TAFA1: variants seen among roughly 807,000 people sequenced by gnomAD.
The protein encoded by TAFA1 is chemokine-like protein TAFA-1.
TAFA1 carries 4 observed loss-of-function variants against 18.5 expected under a neutral mutation model. That is an observed-to-expected ratio of 0.22 (90% CI 0.11 to 0.49). The LOEUF (loss-of-function observed/expected upper bound fraction) is 0.49, where lower values mean the gene tolerates loss of function less well. Ranked by LOEUF, TAFA1 falls within the 20% of genes least tolerant of loss-of-function variation. The pLI, the probability that TAFA1 is intolerant of heterozygous loss-of-function variation, is 0.98. For synonymous variants in TAFA1, 56 were observed against 55.2 expected (o/e 1.01, Z -0.06); for missense variants, 147 against 169.0 (o/e 0.87, Z 0.72).
chr3:68,025,330 C>T (rs1704791741), intron 2 of TAFA1, among the ~76,000 whole-genome samples: 1 of 152,084 alleles, frequency 6.6e-6, no homozygotes, highest in Non-Finnish European at 1.5e-5. Context: ...TTGCTGTCAC[C>T]CTGGGCCGAG....
intron 3 of TAFA1, among the ~76,000 whole-genome samples, chr3:68,465,814 A>G (rs1326739729): frequency 1.3e-5 from 2 of 150,766 alleles, no homozygotes; most frequent in East Asian, 2.0e-4. Context: ...TAACTGAAAA[A>G]TGTTGTCTGT....
intron 2 of TAFA1, among the ~76,000 whole-genome samples, chr3:68,270,774 A>G (rs1044869658): frequency 5.3e-5 from 8 of 152,168 alleles, no homozygotes; most frequent in African/African-American, 1.9e-4. Flanking sequence ...ACTGGCAGCT[A>G]TGAGATGTAT....
intron 2 of TAFA1, among the ~76,000 whole-genome samples, chr3:68,294,491 A>C (rs1559603749): frequency 6.6e-6 from 1 of 152,226 alleles, no homozygotes; most frequent in Non-Finnish European, 1.5e-5. Flanking sequence ...TCAACAGTAA[A>C]AGTAAAATGC....
At chr3:68,219,897 T>C (rs113906338) in intron 2 of TAFA1, among the ~76,000 whole-genome samples, 5 of 152,290 alleles carry the variant, frequency 3.3e-5, no homozygotes, top group African/African-American at 1.2e-4. Context: ...GGTTATATGT[T>C]TGCAGATTAT....
intron 2 of TAFA1, among the ~76,000 whole-genome samples, chr3:68,261,674 C>T (rs954728542): frequency 6.6e-6 from 1 of 152,022 alleles, no homozygotes; most frequent in African/African-American, 2.4e-5. Flanking sequence ...GGACAAAAAA[C>T]CAAACACCAC....
At chr3:68,329,728 A>G (rs568408722) in intron 2 of TAFA1, among the ~76,000 whole-genome samples, 1 of 152,308 alleles carries the variant, frequency 6.6e-6, no homozygotes, top group South Asian at 2.1e-4. Context: ...TTACATGTAT[A>G]AAGTTGGAAA....
At chr3:68,287,583 C>G (rs1451242105) in intron 2 of TAFA1, among the ~76,000 whole-genome samples, 3 of 152,172 alleles carry the variant, frequency 2.0e-5, no homozygotes, top group African/African-American at 7.2e-5. Flanking sequence ...TCTCACCACA[C>G]TCTTCAGTCC....
chr3:68,012,131 G>A (rs553135783), intron 2 of TAFA1, among the ~76,000 whole-genome samples: 1 of 152,252 alleles, frequency 6.6e-6, no homozygotes, highest in East Asian at 1.9e-4. Context: ...TAAACTTTCT[G>A]CGAAAGTATC....
At chr3:68,508,544 CT>C (rs2072797288) in intron 3 of TAFA1, among the ~76,000 whole-genome samples, 1 of 152,060 alleles carries the variant, frequency 6.6e-6, no homozygotes, top group African/African-American at 2.4e-5. Context: ...GATCACACAA[CT>C]CATGAAGTAA....
chr3:68,034,207 A>G (rs1704997495), intron 2 of TAFA1, among the ~76,000 whole-genome samples: 1 of 152,212 alleles, frequency 6.6e-6, no homozygotes, highest in South Asian at 2.1e-4. Context: ...TTTTAGCATG[A>G]AAGGAGACTG....
intron 2 of TAFA1, among the ~76,000 whole-genome samples, chr3:68,391,535 A>T (rs780643092): frequency 6.6e-6 from 1 of 152,210 alleles, no homozygotes; most frequent in South Asian, 2.1e-4. Context: ...CCTCAAGAAG[A>T]GCAACCGTAA....
intron 2 of TAFA1, among the ~76,000 whole-genome samples, chr3:68,112,669 A>T (rs2065275457): frequency 6.6e-6 from 1 of 152,228 alleles, no homozygotes; most frequent in Admixed American, 6.5e-5. Flanking sequence ...ATTGGCAATG[A>T]AGAAATAATA....
At chr3:68,497,472 C>T (rs2072568038) in intron 3 of TAFA1, among the ~76,000 whole-genome samples, 1 of 152,046 alleles carries the variant, frequency 6.6e-6, no homozygotes, top group Admixed American at 6.6e-5. Flanking sequence ...CTTTCCTAGC[C>T]AAGCTAAGAC....
At chr3:68,176,111 C>G (rs971656941) in intron 2 of TAFA1, among the ~76,000 whole-genome samples, 1 of 152,204 alleles carries the variant, frequency 6.6e-6, no homozygotes, top group Non-Finnish European at 1.5e-5. Context: ...ACTGTACATT[C>G]ATTGAACCTT....
At chr3:68,126,450 T>C (rs1424225835) in intron 2 of TAFA1, among the ~76,000 whole-genome samples, 1 of 152,238 alleles carries the variant, frequency 6.6e-6, no homozygotes, top group Non-Finnish European at 1.5e-5. Flanking sequence ...AGATTACATC[T>C]ATCTTTGGTC....
chr3:68,060,083 A>C (rs946830983), intron 2 of TAFA1, among the ~76,000 whole-genome samples: 4 of 151,960 alleles, frequency 2.6e-5, no homozygotes, highest in Admixed American at 2.6e-4. Context: ...AAAAAAACAC[A>C]CACACACGCA....
chr3:68,192,123 C>T lies in TAFA1; in HGVS notation c.118+185379C>T, dbSNP rs574352822. 4.6e-5 allele frequency among the ~76,000 whole-genome samples: 7 copies of T among 151,904 alleles called. 1 individual carries two copies. The South Asian group carries it at 1.5e-3, about 31-fold the overall frequency. On this transcript the variant is annotated intron_variant, in intron 2 of 4. Transcript: ENST00000478136. ...CTATAAGAGCACTATTCGCTCTAGT[C>T]CAACAACTATTTACTGAGTAACTAC... is the stretch of plus-strand genomic sequence containing the variant.
chr3:68,320,655 A>C (rs138040501), intron 2 of TAFA1, among the ~76,000 whole-genome samples: 15 of 152,180 alleles, frequency 9.9e-5, no homozygotes, highest in Non-Finnish European at 2.1e-4. Context: ...GCTCCCTGTT[A>C]CTGCTAATAC....
intron 2 of TAFA1, among the ~76,000 whole-genome samples, chr3:68,048,496 A>T (rs1331758604): frequency 6.6e-6 from 1 of 152,008 alleles, no homozygotes; most frequent in African/African-American, 2.4e-5. Context: ...TATATAATAT[A>T]TTATTGTCAA....
Sources: gnomAD v4.1 joint callset for allele counts (sites outside exome capture counted in the v4.1 genomes callset) on GRCh38, gnomAD v4.1.1 for gene constraint, MANE v1.5 for transcripts, NCBI Gene and HGNC (gene_info 2026-07-23, HGNC 2026-07-21) for gene names.